LINC00632: variants seen among roughly 807,000 people sequenced by gnomAD.
LINC00632 encodes long independently transcribed non-coding RNA 632, also known as ALDOA related specific transcript.
chrX:140,784,963 A>C (rs970301259), exon 5 of LINC00632: 15 of 123,145 alleles, frequency 1.2e-4, no homozygotes, highest in Non-Finnish European at 3.7e-5. Flanking sequence ...TCTGCAGAAT[A>C]AACAGATAGG....
intron 3 of LINC00632, among the ~76,000 whole-genome samples, chrX:140,770,841 G>A (rs2180065): frequency 0.083 from 9,289 of 111,749 alleles, 421 homozygotes; most frequent in East Asian, 0.32. Flanking sequence ...GATATGAGTC[G>A]TAGTATGGAT....
rs757281951 is a variant in LINC00632, at chrX:140,749,554, C to A, written n.191+15590C>A. Among the ~76,000 whole-genome samples, 3 of 111,145 alleles carry A rather than the reference C, an allele frequency of 2.7e-5. No homozygotes were observed. The South Asian group carries it at 1.2e-3, about 43-fold the overall frequency. On this transcript the variant is annotated intron_variant and non_coding_transcript_variant, in intron 3 of 4. Transcript: ENST00000648200. ...TATGCAGATTCTCCAGGGGAGAAGA[C>A]TTAGAGTCTCTACAAATTATAAGAA...
rs61359627 is a variant in LINC00632, at chrX:140,712,408, C to CT, written n.104+770dup. 5.3e-3 allele frequency among the ~76,000 whole-genome samples: 448 copies of CT among 84,424 alleles called. 2 individuals are homozygous for CT. Among genetic ancestry groups the CT allele is most frequent in the African/African-American group, 7.6e-3 (177 of 23,182 alleles). 73.3% of individuals were successfully genotyped at this position (84,424 alleles called of 115,157 possible). On this transcript the variant is annotated intron_variant and non_coding_transcript_variant, in intron 2 of 4. Coordinates refer to ENST00000648200, the Ensembl canonical transcript of LINC00632. ...GGGGTTAAAGTTCCTCCTTCAACCT[C>CT]TTTTTTTTTTTTTTTTTTACTCTTC...
intron 3 of LINC00632, among the ~76,000 whole-genome samples, chrX:140,751,285 CT>C (rs77749131): frequency 0.13 from 11,704 of 91,586 alleles, 602 homozygotes; most frequent in Admixed American, 0.21. Flanking sequence ...ATGCCAACAT[CT>C]TTTTTTTTTT....
chrX:140,733,976 A>G, intron 3 of LINC00632: 1 of 112,338 alleles, frequency 8.9e-6, no homozygotes, highest in Non-Finnish European at 1.9e-5. Flanking sequence ...TAAGTACCGT[A>G]TTTGTGGATT....
chrX:140,723,611 TAA>T (rs371224777), intron 2 of LINC00632, among the ~76,000 whole-genome samples: 6 of 779 alleles, frequency 7.7e-3, no homozygotes, highest in South Asian at 0.042. Context: ...ACACATTCCA[TAA>T]ACACACACAC....
intron 2 of LINC00632, among the ~76,000 whole-genome samples, chrX:140,712,815 G>C (rs368848354): frequency 1.9e-5 from 2 of 103,752 alleles, no homozygotes; most frequent in Non-Finnish European, 3.9e-5. Flanking sequence ...TCTCTCTATT[G>C]ACTTCTGCAC....
At chrX:140,710,631 T>G (rs1354589512) in intron 1 of LINC00632, among the ~76,000 whole-genome samples, 1 of 109,772 alleles carries the variant, frequency 9.1e-6, no homozygotes, top group Non-Finnish European at 1.9e-5. Flanking sequence ...GTAGCTCTGT[T>G]TCTGCAAGAA....
At chrX:140,762,311 T>C (rs1430485397) in intron 3 of LINC00632, among the ~76,000 whole-genome samples, 1 of 110,120 alleles carries the variant, frequency 9.1e-6, no homozygotes, top group African/African-American at 3.3e-5. Context: ...CTTAGGACTC[T>C]AGAAACCACA....
intron 3 of LINC00632, among the ~76,000 whole-genome samples, chrX:140,752,203 A>G (rs764835576): frequency 2.7e-5 from 3 of 111,858 alleles, no homozygotes; most frequent in Non-Finnish European, 3.8e-5. Context: ...CATGAGCAAG[A>G]AACAAATTTT....
chrX:140,780,052 G>A (rs1009590720), exon 5 of LINC00632, among the ~76,000 whole-genome samples: 1 of 111,547 alleles, frequency 9.0e-6, no homozygotes, highest in African/African-American at 3.3e-5. Context: ...GTGTGACTGT[G>A]GGCATATTTC....
intron 3 of LINC00632, among the ~76,000 whole-genome samples, chrX:140,750,970 G>A (rs1474968440): frequency 1.8e-5 from 2 of 112,003 alleles, no homozygotes; most frequent in African/African-American, 6.5e-5. Flanking sequence ...TTTTATGGCT[G>A]AGTAGTATTC....
intron 3 of LINC00632, among the ~76,000 whole-genome samples, chrX:140,742,320 C>A (rs956381484): frequency 2.7e-5 from 3 of 111,463 alleles, no homozygotes; most frequent in Non-Finnish European, 5.6e-5. Flanking sequence ...ATATGTAGGG[C>A]TCTTAGCTTG....
chrX:140,748,514 T>G (rs2148391913), intron 3 of LINC00632, among the ~76,000 whole-genome samples: 1 of 111,353 alleles, frequency 9.0e-6, no homozygotes, highest in Non-Finnish European at 1.9e-5. Context: ...CTCTCTGACA[T>G]AATTGCAATC....
intron 3 of LINC00632, among the ~76,000 whole-genome samples, chrX:140,737,482 C>G (rs1033740671): frequency 9.0e-6 from 1 of 111,449 alleles, no homozygotes; most frequent in African/African-American, 3.3e-5. Context: ...CAGCTCCTCT[C>G]GTCTAGCCAT....
intron 3 of LINC00632, among the ~76,000 whole-genome samples, chrX:140,747,975 G>A (rs763450443): frequency 1.8e-5 from 2 of 111,782 alleles, no homozygotes; most frequent in East Asian, 5.7e-4. Context: ...TTACAGGCGT[G>A]TGCCACCATG....
At chrX:140,776,473 G>A (rs182342541) in exon 5 of LINC00632, among the ~76,000 whole-genome samples, 47 of 112,993 alleles carry the variant, frequency 4.2e-4, no homozygotes, top group African/African-American at 1.3e-3. Flanking sequence ...CGTTGGACCC[G>A]CGCGTCCGGC....
intron 3 of LINC00632, among the ~76,000 whole-genome samples, chrX:140,748,442 G>A (rs904696998): frequency 9.0e-6 from 1 of 111,488 alleles, no homozygotes; most frequent in Non-Finnish European, 1.9e-5. Flanking sequence ...GAGTGGTACA[G>A]ATCTCTTTGT....
intron 2 of LINC00632, chrX:140,714,906 C>T (rs1476093061): frequency 9.1e-6 from 1 of 110,423 alleles, no homozygotes; most frequent in African/African-American, 3.3e-5. Context: ...AGAGTTCACT[C>T]ATTTGCCCTA....
Sources: gnomAD v4.1 joint callset for allele counts (sites outside exome capture counted in the v4.1 genomes callset) on GRCh38, gnomAD v4.1.1 for gene constraint, MANE v1.5 for transcripts, NCBI Gene and HGNC (gene_info 2026-07-23, HGNC 2026-07-21) for gene names.